The following HEATR1 variants were observed in gnomAD, a reference collection of about 807,000 sequenced individuals.
HEATR1 encodes HEAT repeat containing 1.
HEATR1 carries 77 observed loss-of-function variants against 248.2 expected under a neutral mutation model. The ratio of observed to expected loss-of-function variants is 0.31; its 90% CI spans 0.26 to 0.37. The LOEUF (loss-of-function observed/expected upper bound fraction) is 0.37. Ranked by LOEUF, HEATR1 falls within the 10% of genes least tolerant of loss-of-function variation. The pLI is 1.00. For synonymous variants in HEATR1, 897 were observed against 923.1 expected, an observed-to-expected ratio of 0.97 and a Z score of 0.51; for missense variants, 2,420 against 2,504.9, an observed-to-expected ratio of 0.97 and a Z score of 0.72.
chr1:236,551,169 C>T (rs908946894), intron 44 of HEATR1, 179 bp from the exon 45 acceptor site: 3 of 559,146 alleles, frequency 5.4e-6, no homozygotes, highest in Non-Finnish European at 9.3e-6. Context: ...ACCGCTCCTT[C>T]CGCCTTCATT....
chr1:236,577,021 C>A (rs1572042730), intron 20 of HEATR1, 72 bp from the exon 21 acceptor site: 1 of 1,165,046 alleles, frequency 8.6e-7, no homozygotes, highest in East Asian at 2.5e-5. Context: ...TACATAGTAC[C>A]AAAGGTACTT....
rs1384201484 is a variant in HEATR1 at position 236,556,155 on chromosome 1, C to T, written c.5459G>A (p.Arg1820Gln). The T allele has an allele frequency of 5.0e-6, 8 of 1,614,046 alleles. No individual in the cohort carries two copies. The highest frequency in any genetic ancestry group is 1.1e-5 in the South Asian group (1 of 91,084). ...KKTLATTLAPRVLLPAIKKTY... is the reference protein window; with the variant it reads ...KKTLATTLAPQVLLPAIKKTY... ...TTTTTTGATGGCGGGCAACAGGACTCGGGGTGCAAGTGTGGTAGCCAGTGT... is the reference window on the plus strand; with the variant it reads ...TTTTTTGATGGCGGGCAACAGGACTTGGGGTGCAAGTGTGGTAGCCAGTGT... The change falls in exon 38 of 45, where the codon CGA becomes CAA. Residue 1820 changes from arginine to glutamine, a missense_variant. Coordinates refer to ENST00000366582, the MANE Select transcript of HEATR1 (RefSeq NM_018072.6).
intron 43 of HEATR1, among the ~76,000 whole-genome samples, chr1:236,553,331 G>A (rs1163477969): frequency 6.6e-6 from 1 of 152,170 alleles, no homozygotes; most frequent in Non-Finnish European, 1.5e-5. Flanking sequence ...TAGTACTTCT[G>A]CCCAACGCAC....
In HEATR1 at chr1:236,595,941, G is replaced by A; in HGVS notation, c.848C>T (p.Ala283Val). The A allele has an allele frequency of 6.2e-7, 1 of 1,613,364 alleles. No homozygotes were observed. Residue 283 changes from alanine (A) to valine (V), a missense_variant, in exon 7 of 45, where the codon GCA (alanine) becomes GTA (valine). Physicochemically the swap from Ala to Val is moderately conservative, Grantham distance 64. Coordinates refer to ENST00000366582, the MANE Select transcript of HEATR1 (RefSeq NM_018072.6). ...TMENTFVNSL[A>V]SQIIKTLTKI... ...GGTCAATGTTTTGATGATCTGTGAT[G>A]CCAATGAATTCACAAAGGTATTTTC...
chr1:236,576,996 A>C, intron 20 of HEATR1, 47 bp from the exon 21 acceptor site: 1 of 1,446,934 alleles, frequency 6.9e-7, no homozygotes, highest in Non-Finnish European at 9.3e-7. Context: ...TTAAAAACTG[A>C]AACAGTACAA....
Position 236,592,582 on chromosome 1 carries a change from A to T in HEATR1, c.1245T>A (p.Ser415=). 6.5e-7 allele frequency: 1 copy of T among 1,530,382 alleles called. No individual in the cohort carries two copies. The highest frequency in any genetic ancestry group is 9.0e-7 in the Non-Finnish European group (1 of 1,107,090). 94.8% of individuals were successfully genotyped at this position (1,530,382 alleles called of 1,614,324 possible). Residue 415 remains serine (S), a synonymous_variant, in exon 10 of 45, where the codon TCT becomes TCA. Coordinates refer to ENST00000366582, the MANE Select transcript of HEATR1 (RefSeq NM_018072.6). Reference sequence around the variant, plus strand: ...GTTCATTAAGCAAAGACACTTTATTAGAATCCATTTCTTCCTGTGAACTAT... The same window carrying T: ...GTTCATTAAGCAAAGACACTTTATTTGAATCCATTTCTTCCTGTGAACTAT... The part of the protein sequence containing the change: ...ISYSSQEEMD[S]NKVSLLNEQF...
At position 236,558,519 on chromosome 1, in the gene HEATR1, A is replaced by T; in HGVS notation, c.4922T>A (p.Phe1641Tyr). The T allele has an allele frequency of 6.2e-7, 1 of 1,611,778 alleles. No individual in the cohort carries two copies. The highest frequency in any genetic ancestry group is 8.5e-7 in the Non-Finnish European group (1 of 1,178,300). Residue 1641 changes from phenylalanine (F) to tyrosine (Y), a missense_variant, in exon 36 of 45, where the codon TTC (phenylalanine) becomes TAC (tyrosine). By Grantham distance (22) the Phe-to-Tyr change is conservative (BLOSUM62 3). Coordinates refer to ENST00000366582, the MANE Select transcript of HEATR1 (RefSeq NM_018072.6). ...ISWKKTIVTR[F>Y]LKLVPDLLAI... is the part of the protein sequence containing the mutation. ...CAAAAGGTCTGGAACCAGTTTTAGG[A>T]AACGGGTAACCTGAAGGGGACAGCC... is the stretch of plus-strand genomic sequence containing the variant.
At position 236,558,310 on chromosome 1, in the gene HEATR1, G is replaced by A. The variant is rs2275688; in HGVS notation, c.5131C>T (p.Leu1711=). 0.71 allele frequency: 1,140,589 copies of A among 1,613,922 alleles called. 406,046 individuals are homozygous for A. Among genetic ancestry groups the A allele is most frequent in the Non-Finnish European group, 0.73 (860,715 of 1,179,912 alleles). Residue 1711 remains leucine (L), a synonymous_variant, in exon 36 of 45, where the codon CTG becomes TTG. Transcript: ENST00000366582. ...GCTATGCACAGCAGCGCGCTTCCCA[G>A]GACATTCTTCTCCTCCTTTCTCTCT... ...APERKEEKNV[L]GSALLCIAEV...
At position 236,603,260 on chromosome 1, in the gene HEATR1, T is replaced by A. The variant is rs1664373329; in HGVS notation, c.259A>T (p.Asn87Tyr). ...LERSVQTKAV[N>Y]KQLDENISLF... ...GAAATGTTTTCATCCAACTGTTTGT[T>A]TACTGCTTTGGTCTGAACACTTCGC... The change falls in exon 3 of 45, where the codon AAC (asparagine) becomes TAC (tyrosine). Residue 87 changes from asparagine to tyrosine, a missense_variant. By Grantham distance (143) the Asn-to-Tyr change is moderately radical. Transcript: ENST00000366582. The A allele has an allele frequency of 6.2e-7, 1 of 1,614,172 alleles. No homozygotes were observed. The highest frequency in any genetic ancestry group is 8.5e-7 in the Non-Finnish European group (1 of 1,180,006).
At chr1:236,580,040 C>T (rs116818771) in intron 20 of HEATR1, among the ~76,000 whole-genome samples, 4,381 of 152,158 alleles carry the variant, frequency 0.029, 69 homozygotes, top group Middle Eastern at 0.058. Flanking sequence ...AAGCATTAAT[C>T]ATGTCCATTA....
In HEATR1 at chr1:236,555,526, GAGAGGA is replaced by G; in HGVS notation, c.5754+19_5754+24del. 2 of 1,614,034 alleles carry G rather than the reference GAGAGGA, an allele frequency of 1.2e-6. No individual in the cohort carries two copies. Among genetic ancestry groups the G allele is most frequent in the Non-Finnish European group, 1.7e-6 (2 of 1,179,890 alleles). ...TTGTCACTTAAATCTGAGCACAAAA[GAGAGGA>G]AGAGGAAGAAAGCGTCACCTTGAAG... On this transcript the variant is annotated intron_variant, in intron 40 of 44. Transcript: ENST00000366582.
rs774903242 is a variant in HEATR1 at position 236,582,807 on chromosome 1, C to T, written c.2491G>A (p.Gly831Arg). The T allele has an allele frequency of 1.9e-6, 3 of 1,613,910 alleles. No homozygotes were observed. Among genetic ancestry groups the T allele is most frequent in the Non-Finnish European group, 2.5e-6 (3 of 1,179,936 alleles). The change falls in exon 19 of 45, where the codon GGG (glycine) becomes AGG (arginine). Residue 831 changes from glycine (G) to arginine (R), a missense_variant. Transcript: ENST00000366582. ...CCATTGAGCATCATCTCAAACAGCC[C>T]AATGAGCAAGTGCAGATAGTCCCTG... ...DSRDYLHLLI[G>R]LFEMMLNGAD...
At chr1:236,553,330 T>A (rs74151929) in intron 43 of HEATR1, among the ~76,000 whole-genome samples, 213 of 152,360 alleles carry the variant, frequency 1.4e-3, no homozygotes, top group African/African-American at 4.9e-3. Context: ...TTAGTACTTC[T>A]GCCCAACGCA....
chr1:236,561,827 C>G (rs1027789487), intron 32 of HEATR1, among the ~76,000 whole-genome samples: 15 of 152,150 alleles, frequency 9.9e-5, no homozygotes, highest in Admixed American at 9.8e-4. Flanking sequence ...CTATAAATAC[C>G]ACTTATCTAT....
Position 236,583,005 on chromosome 1 carries a change from T to C in HEATR1, c.2425+8A>G. The C allele has an allele frequency of 6.2e-7, 1 of 1,612,674 alleles. No individual in the cohort carries two copies. On this transcript the variant is annotated splice_region_variant and intron_variant, in intron 18 of 44. Coordinates refer to ENST00000366582, the MANE Select transcript of HEATR1 (RefSeq NM_018072.6). Reference sequence around the variant, plus strand: ...TCACATTTAAAAGATTCACAGCTTGTATCTTACCTTTAGGAAAAGATTTAG... The same window carrying C: ...TCACATTTAAAAGATTCACAGCTTGCATCTTACCTTTAGGAAAAGATTTAG...
At chr1:236,581,517 A>C in intron 19 of HEATR1, 103 bp from the exon 20 acceptor site, 1 of 808,158 alleles carries the variant, frequency 1.2e-6, no homozygotes, top group Non-Finnish European at 1.8e-6. Context: ...CAAATAATTT[A>C]AGGCAAAGTT....
chr1:236,568,899 A>AAAAAAAAAAAAAC (rs1558182059), intron 29 of HEATR1, 97 bp downstream of exon 29: 22 of 543,940 alleles, frequency 4.0e-5, no homozygotes, highest in East Asian at 9.7e-5. Context: ...AAAAAAAAAC[A>AAAAAAAAAAAAAC]AAAAAAAAAA....
In HEATR1 at chr1:236,574,646, AAAG is replaced by A. The variant is rs1367544065; in HGVS notation, c.3327+12_3327+14del. The A allele has an allele frequency of 2.5e-6, 4 of 1,606,136 alleles. No individual in the cohort carries two copies. In the African/African-American group the frequency reaches 5.4e-5, roughly 22 times the overall value. ...TGAACATGCTATGCCTTAGTTTCTGAAAGAAATCACTGACCTTTTCAAGGGCTG... is the reference window on the plus strand; with the variant it reads ...TGAACATGCTATGCCTTAGTTTCTGAAAATCACTGACCTTTTCAAGGGCTG... On this transcript the variant is annotated intron_variant, in intron 23 of 44. Transcript: ENST00000366582.
intron 1 of HEATR1, 47 bp from the exon 2 acceptor site, chr1:236,604,174 C>T: frequency 6.2e-6 from 9 of 1,450,048 alleles, no homozygotes; most frequent in Non-Finnish European, 8.3e-6. Context: ...AATTATAAGG[C>T]GCCTCGTAAA....
Sources: allele counts gnomAD v4.1 joint callset (sites outside exome capture counted in the v4.1 genomes callset), GRCh38; gene constraint gnomAD v4.1.1; transcripts MANE v1.5; gene names NCBI Gene and HGNC (gene_info 2026-07-23, HGNC 2026-07-21).